Variants in MICU1 observed in about 807,000 individuals in gnomAD.
MICU1 encodes calcium uptake protein 1, mitochondrial.
Under a neutral mutation model 56.8 loss-of-function variants are expected in MICU1, and 45 were observed. That is an observed-to-expected ratio of 0.79 (90% CI 0.62 to 1.02). The LOEUF is 1.02. Among genes scored for constraint, MICU1 ranks in the 50% least tolerant of loss-of-function variants. The probability of loss-of-function intolerance (pLI) is 0.00; values close to 1 mark genes in which losing one functional copy is unlikely to be tolerated. For synonymous variants in MICU1, 186 were observed against 195.1 expected, an observed-to-expected ratio of 0.95 and a Z score of 0.39; for missense variants, 504 against 587.1, an observed-to-expected ratio of 0.86 and a Z score of 1.46.
intron 5 of MICU1, among the ~76,000 whole-genome samples, chr10:72,520,660 T>C (rs947906910): frequency 1.3e-5 from 2 of 152,172 alleles, no homozygotes; most frequent in African/African-American, 4.8e-5. Flanking sequence ...ATACCTGGAA[T>C]GCAAAGGTTT....
chr10:72,408,664 C>A (rs919530442), intron 9 of MICU1, among the ~76,000 whole-genome samples: 4 of 152,162 alleles, frequency 2.6e-5, no homozygotes, highest in African/African-American at 9.7e-5. Flanking sequence ...AATGATGACA[C>A]TTCCTAATTG....
intron 8 of MICU1, among the ~76,000 whole-genome samples, chr10:72,455,749 T>C (rs1450193795): frequency 1.3e-5 from 2 of 152,112 alleles, no homozygotes; most frequent in African/African-American, 2.4e-5. Context: ...GTCCAATACT[T>C]CTGCTACTAA....
chr10:72,472,827 T>C (rs973350547), intron 8 of MICU1, among the ~76,000 whole-genome samples: 1 of 151,954 alleles, frequency 6.6e-6, no homozygotes, highest in African/African-American at 2.4e-5. Flanking sequence ...TGGCTGGGAG[T>C]GGTGGCTCAC....
chr10:72,538,515 G>A (rs1323036402), intron 4 of MICU1, among the ~76,000 whole-genome samples: 2 of 152,068 alleles, frequency 1.3e-5, no homozygotes, highest in Non-Finnish European at 2.9e-5. Flanking sequence ...GCTGTTATCA[G>A]CTTGAAATAA....
chr10:72,437,802 G>A (rs1242654692), intron 8 of MICU1, among the ~76,000 whole-genome samples: 3 of 151,570 alleles, frequency 2.0e-5, no homozygotes, highest in Admixed American at 1.3e-4. Context: ...AGACAAAGAA[G>A]GCCATCACAT....
At chr10:72,569,229 A>AT (rs1246062078) in intron 1 of MICU1, among the ~76,000 whole-genome samples, 70 of 37,714 alleles carry the variant, frequency 1.9e-3, no homozygotes, top group African/African-American at 6.3e-3. Context: ...ATATATATAT[A>AT]TATATATATT....
Position 72,572,410 on chromosome 10 carries a change from A to G in MICU1, c.-1-5616T>C, listed in dbSNP as rs528090399. 1.4e-4 allele frequency among the ~76,000 whole-genome samples: 21 copies of G among 152,230 alleles called. No homozygotes were observed. In the South Asian group the frequency reaches 1.4e-3, roughly 11 times the overall value. On this transcript the variant is annotated intron_variant, in intron 1 of 11. Coordinates refer to ENST00000361114, the MANE Select transcript of MICU1 (RefSeq NM_001195518.2). ...TAAGTTATGTGATTTCCTCATAGCT[A>G]ATTAGTACAAAAACCTATAACAGAT...
chr10:72,387,994 T>C (rs1256218148), intron 10 of MICU1, among the ~76,000 whole-genome samples: 2 of 152,200 alleles, frequency 1.3e-5, no homozygotes, highest in Admixed American at 1.3e-4. Context: ...GAAACAAGTA[T>C]TCTACTATCA....
chr10:72,452,110 T>C (rs1231258167), intron 8 of MICU1, among the ~76,000 whole-genome samples: 1 of 152,138 alleles, frequency 6.6e-6, no homozygotes, highest in Non-Finnish European at 1.5e-5. Context: ...TCAGGTGATC[T>C]GCCTACCTCG....
chr10:72,610,791 T>G (rs879365777), intron 1 of MICU1, among the ~76,000 whole-genome samples: 1 of 152,162 alleles, frequency 6.6e-6, no homozygotes, highest in African/African-American at 2.4e-5. Context: ...AGGCAGCCTC[T>G]TGGAGCATAA....
At chr10:72,585,185 C>G (rs1170737498) in intron 1 of MICU1, among the ~76,000 whole-genome samples, 1 of 151,372 alleles carries the variant, frequency 6.6e-6, no homozygotes, top group Non-Finnish European at 1.5e-5. Flanking sequence ...CCTCCCGGTT[C>G]AAGCGATTCT....
intron 1 of MICU1, among the ~76,000 whole-genome samples, chr10:72,607,196 C>T (rs1841713048): frequency 6.6e-6 from 1 of 150,570 alleles, no homozygotes; most frequent in Non-Finnish European, 1.5e-5. Flanking sequence ...CAAAAATTAG[C>T]CGGGCGTCAT....
At chr10:72,525,345 A>C (rs561946308) in intron 5 of MICU1, among the ~76,000 whole-genome samples, 9 of 152,346 alleles carry the variant, frequency 5.9e-5, no homozygotes, top group South Asian at 2.1e-4. Flanking sequence ...AACCACACTG[A>C]ATAGCATTGT....
intron 6 of MICU1, among the ~76,000 whole-genome samples, chr10:72,503,157 G>A (rs1010862694): frequency 6.6e-6 from 1 of 152,132 alleles, no homozygotes; most frequent in Non-Finnish European, 1.5e-5. Context: ...TAAACTTATA[G>A]GGTTGATTTG....
At chr10:72,489,028 C>T (rs1419663254) in intron 6 of MICU1, among the ~76,000 whole-genome samples, 2 of 152,178 alleles carry the variant, frequency 1.3e-5, no homozygotes, top group East Asian at 1.9e-4. Flanking sequence ...GTAGCTCATG[C>T]CTGTAATCCC....
At chr10:72,512,714 T>TTTTGTTTTGG in intron 5 of MICU1, among the ~76,000 whole-genome samples, 1 of 151,462 alleles carries the variant, frequency 6.6e-6, no homozygotes, top group Non-Finnish European at 1.5e-5. Flanking sequence ...TTTTGTTTTG[T>TTTTGTTTTGG]TTTGAGACAG....
chr10:72,435,648 C>T (rs1001269152), intron 8 of MICU1, among the ~76,000 whole-genome samples: 2 of 152,132 alleles, frequency 1.3e-5, no homozygotes, highest in East Asian at 1.9e-4. Flanking sequence ...CAAGGGAAGC[C>T]GTGACAGACT....
In MICU1 at chr10:72,615,694, A is replaced by G. The variant is rs1003175166; in HGVS notation, c.-2+10316T>C. On this transcript the variant is annotated intron_variant, in intron 1 of 11. Coordinates refer to ENST00000361114, the MANE Select transcript of MICU1 (RefSeq NM_001195518.2). ...TATACCTTCCATGTCTCTATTTAAC[A>G]TGTTCAGTCTTGGCCAGGCGCGGTG... Among the ~76,000 whole-genome samples, 31 of 152,024 alleles carry G rather than the reference A, an allele frequency of 2.0e-4. 1 individual carries two copies. Among genetic ancestry groups the G allele is most frequent in the African/African-American group, 4.1e-4 (17 of 41,480 alleles).
chr10:72,412,707 T>C (rs1325795657), intron 9 of MICU1, among the ~76,000 whole-genome samples: 2 of 150,140 alleles, frequency 1.3e-5, no homozygotes, highest in Middle Eastern at 7.0e-3. Flanking sequence ...CAAAATTATC[T>C]GGGCATGGTG....
Sources: gnomAD v4.1 joint callset for allele counts (sites outside exome capture counted in the v4.1 genomes callset) on GRCh38, gnomAD v4.1.1 for gene constraint, MANE v1.5 for transcripts, NCBI Gene and HGNC (gene_info 2026-07-23, HGNC 2026-07-21) for gene names.